The following DVL3 variants were observed in gnomAD, a reference collection of about 807,000 sequenced individuals.
DVL3 encodes dishevelled segment polarity protein 3, also known as segment polarity protein dishevelled homolog DVL-3.
Under a neutral mutation model 67.4 loss-of-function variants are expected in DVL3, and 27 were observed. The observed-to-expected ratio is 0.40, with a 90% CI of 0.30 to 0.55. DVL3 has a LOEUF of 0.55. DVL3 is among the 20% of genes least tolerant of loss of function. The probability of loss-of-function intolerance (pLI) is 0.46; values close to 1 mark genes in which losing one functional copy is unlikely to be tolerated. For missense variants in DVL3, 819 were observed against 1,021.5 expected, an observed-to-expected ratio of 0.80 and a Z score of 2.70; for synonymous variants, 369 against 396.8, an observed-to-expected ratio of 0.93 and a Z score of 0.83.
At chr3:184,169,457 G>A (rs886416911) in intron 13 of DVL3, among the ~76,000 whole-genome samples, 1 of 152,222 alleles carries the variant, frequency 6.6e-6, no homozygotes, top group South Asian at 2.1e-4. Context: ...CCTTTTGGGA[G>A]GCTGAGGCGG....
At position 184,155,746 on chromosome 3, in the gene DVL3, G is replaced by A; in HGVS notation, c.111G>A (p.Leu37=). Residue 37 remains leucine, a synonymous_variant, in exon 1 of 15, where the codon TTG becomes TTA. Coordinates refer to ENST00000313143, the MANE Select transcript of DVL3 (RefSeq NM_004423.4). This position sits in a 1 kb window ranked among gnomAD's most constrained non-coding sequence, Gnocchi z 5.4. ...CCTTGGCGGACTTTAAGGGCGTTTT[G>A]CAGCGACCCAGCTATAAGTTCTTCT... ...RVTLADFKGV[L]QRPSYKFFFK... is the part of the protein sequence containing the mutation. 1 of 1,613,134 alleles carries A rather than the reference G, an allele frequency of 6.2e-7. No homozygotes were observed. Among genetic ancestry groups the A allele is most frequent in the Non-Finnish European group, 8.5e-7 (1 of 1,179,726 alleles).
chr3:184,171,277 C>A lies in DVL3; in HGVS notation c.*522C>A. On this transcript the variant is annotated 3_prime_UTR_variant, in exon 15 of 15. Coordinates refer to ENST00000313143, the MANE Select transcript of DVL3 (RefSeq NM_004423.4). ...CTTCATCTGCCCCTACTAACCATCC[C>A]CCTGCCTGCTGCCTCAGTCCTGCAA... 9.6e-7 allele frequency: 1 copy of A among 1,039,766 alleles called. No individual in the cohort carries two copies. The highest frequency in any genetic ancestry group is 3.1e-5 in the South Asian group (1 of 31,812). 64.4% of individuals were successfully genotyped at this position (1,039,766 alleles called of 1,614,324 possible).
Position 184,164,260 on chromosome 3 carries a change from C to A in DVL3, c.232-7C>A. 1.2e-6 allele frequency: 2 copies of A among 1,613,400 alleles called. No individual in the cohort carries two copies. Among genetic ancestry groups the A allele is most frequent in the East Asian group, 4.5e-5 (2 of 44,862 alleles). ...AACATACTACTCACTCAGTTTCTCC[C>A]TTTCAGCTGGTGTCAGCTGAGGGCT... On this transcript the variant is annotated splice_region_variant and splice_polypyrimidine_tract_variant and intron_variant, in intron 2 of 14. Coordinates refer to ENST00000313143, the MANE Select transcript of DVL3 (RefSeq NM_004423.4). The surrounding 1 kb of genome is among the most constrained non-coding windows in gnomAD (Gnocchi z 5.3).
chr3:184,156,802 G>C, intron 1 of DVL3: 1 of 283,988 alleles, frequency 3.5e-6, no homozygotes, highest in Non-Finnish European at 7.0e-6. Flanking sequence ...CTAACTGGGC[G>C]CTGGGCCTGG....
At position 184,155,817 on chromosome 3, in the gene DVL3, G is replaced by T. The variant is rs1323936026; in HGVS notation, c.161+21G>T. 6.3e-7 allele frequency: 1 copy of T among 1,587,028 alleles called. No individual in the cohort carries two copies. The stretch of plus-strand genomic sequence containing the variant: ...TTCGGGTGAGGATGGCCCCCGCCCC[G>T]CCTCCGGGAGCCCCGGCCGCTCTGG... On this transcript the variant is annotated intron_variant, in intron 1 of 14. Coordinates refer to ENST00000313143, the MANE Select transcript of DVL3 (RefSeq NM_004423.4). This position sits in a 1 kb window ranked among gnomAD's most constrained non-coding sequence, Gnocchi z 5.4.
Position 184,164,908 on chromosome 3 carries a change from A to G in DVL3, c.576A>G (p.Ser192=). 6.2e-7 allele frequency: 1 copy of G among 1,614,240 alleles called. No homozygotes were observed. The highest frequency in any genetic ancestry group is 2.2e-5 in the East Asian group (1 of 44,874). Reference sequence around the variant, plus strand: ...TGGAGACCACCAGCTTCTTTGACTCAGATGAGGATGACTCCACCAGCAGGT... The same window carrying G: ...TGGAGACCACCAGCTTCTTTGACTCGGATGAGGATGACTCCACCAGCAGGT... ...SELETTSFFD[S]DEDDSTSRFS... is the part of the protein sequence containing the mutation. Residue 192 remains serine (S), a synonymous_variant, in exon 5 of 15, where the codon TCA becomes TCG. Coordinates refer to ENST00000313143, the MANE Select transcript of DVL3 (RefSeq NM_004423.4). This position sits in a 1 kb window ranked among gnomAD's most constrained non-coding sequence, Gnocchi z 5.3.
In DVL3 at chr3:184,172,223, TC is replaced by T. The variant is rs1447493848; in HGVS notation, c.*1470del. The T allele has an allele frequency of 8.6e-5, 13 of 151,852 alleles. No homozygotes were observed. The highest frequency in any genetic ancestry group is 1.5e-4 in the Non-Finnish European group (10 of 68,104). The allele number at this position is 151,852 out of a possible 1,614,324, so 9.4% of individuals were successfully genotyped here. On this transcript the variant is annotated 3_prime_UTR_variant, in exon 15 of 15. Coordinates refer to ENST00000313143, the MANE Select transcript of DVL3 (RefSeq NM_004423.4). ...CCAGTTGAGGTTGGGCAAGGAGACT[TC>T]CAGGACTTCCAGACAGAGTACCAGG...
intron 13 of DVL3, 37 bp from the exon 14 acceptor site, chr3:184,169,969 G>C: frequency 1.9e-6 from 3 of 1,545,668 alleles, no homozygotes; most frequent in Non-Finnish European, 2.6e-6. Context: ...ACCTCTCTCC[G>C]GAAAGACCTA....
At chr3:184,159,496 TG>T (rs1714306335) in intron 1 of DVL3, among the ~76,000 whole-genome samples, 1 of 103,908 alleles carries the variant, frequency 9.6e-6, no homozygotes, top group South Asian at 3.6e-4. Context: ...CACAAATAGC[TG>T]GGACTACTGG....
Position 184,166,486 on chromosome 3 carries a change from C to T in DVL3, c.944C>T (p.Ala315Val). The change falls in exon 9 of 15, where the codon GCA (alanine) becomes GTA (valine). Residue 315 changes from alanine to valine, a missense_variant. Ala to Val is a moderately conservative substitution (Grantham distance 64, BLOSUM62 0). Coordinates refer to ENST00000313143, the MANE Select transcript of DVL3 (RefSeq NM_004423.4). The surrounding 1 kb of genome is among the most constrained non-coding windows in gnomAD (Gnocchi z 6.7). Reference sequence around the variant, plus strand: ...TTTGAGAACATGAGTAATGACGATGCAGTCCGGGTACTGCGGGAGATTGTG... The same window carrying T: ...TTTGAGAACATGAGTAATGACGATGTAGTCCGGGTACTGCGGGAGATTGTG... ...INFENMSNDD[A>V]VRVLREIVHK... 3 of 1,614,178 alleles carry T rather than the reference C, an allele frequency of 1.9e-6. No homozygotes were observed. Among genetic ancestry groups the T allele is most frequent in the Non-Finnish European group, 2.5e-6 (3 of 1,180,048 alleles).
In DVL3 at chr3:184,166,054, C is replaced by A. The variant is rs1714571578; in HGVS notation, c.764-72C>A. ...ATGTCAGTTCAGTTCCTGTCCCTTT[C>A]CATTTTCTAATGGGCTGGGAATGCG... On this transcript the variant is annotated intron_variant, in intron 7 of 14. Transcript: ENST00000313143. The surrounding 1 kb of genome is among the most constrained non-coding windows in gnomAD (Gnocchi z 6.7). 1 of 1,567,852 alleles carries A rather than the reference C, an allele frequency of 6.4e-7. No individual in the cohort carries two copies. The highest frequency in any genetic ancestry group is 8.7e-7 in the Non-Finnish European group (1 of 1,155,902).
rs1198576366 is a variant in DVL3 at position 184,155,581 on chromosome 3, C to T, written c.-55C>T. ...GCGCGCCGCCGCCGTCTGGGAGGCT[C>T]GGCCCGGCCGCCCGAGCAGGCCGCG... On this transcript the variant is annotated 5_prime_UTR_variant, in exon 1 of 15. Coordinates refer to ENST00000313143, the MANE Select transcript of DVL3 (RefSeq NM_004423.4). This position sits in a 1 kb window ranked among gnomAD's most constrained non-coding sequence, Gnocchi z 5.4. The T allele has an allele frequency of 9.6e-7, 1 of 1,045,670 alleles. No individual in the cohort carries two copies. Among genetic ancestry groups the T allele is most frequent in the Non-Finnish European group, 1.2e-6 (1 of 868,874 alleles). 64.8% of individuals were successfully genotyped at this position (1,045,670 alleles called of 1,614,324 possible).
At position 184,165,619 on chromosome 3, in the gene DVL3, C is replaced by G. The variant is rs991228327; in HGVS notation, c.763+128C>G. ...TCTCTTTCGTAAACATCAGCTGATA[C>G]ATAAACTGATCATTTTAGTATCTCA... On this transcript the variant is annotated intron_variant, in intron 7 of 14. Coordinates refer to ENST00000313143, the MANE Select transcript of DVL3 (RefSeq NM_004423.4). This position sits in a 1 kb window ranked among gnomAD's most constrained non-coding sequence, Gnocchi z 4.1. 1 of 753,154 alleles carries G rather than the reference C, an allele frequency of 1.3e-6. No individual in the cohort carries two copies. Among genetic ancestry groups the G allele is most frequent in the Non-Finnish European group, 2.3e-6 (1 of 441,002 alleles). 46.7% of individuals were successfully genotyped at this position (753,154 alleles called of 1,614,324 possible).
rs981475698 is a variant in DVL3, at chr3:184,156,498, T to G, written c.161+702T>G. ...CTTTTTTCCTCCAGTTGGTGGCCAGTGGAGAGACGTTAGGAAGGGCCTGGG... is the reference window on the plus strand; with the variant it reads ...CTTTTTTCCTCCAGTTGGTGGCCAGGGGAGAGACGTTAGGAAGGGCCTGGG... On this transcript the variant is annotated intron_variant, in intron 1 of 14. Coordinates refer to ENST00000313143, the MANE Select transcript of DVL3 (RefSeq NM_004423.4). 26 of 456,504 alleles carry G rather than the reference T, an allele frequency of 5.7e-5. 1 individual carries two copies. The allele number at this position is 456,504 out of a possible 1,614,324, so 28.3% of individuals were successfully genotyped here.
Position 184,170,484 on chromosome 3 carries a change from C to T in DVL3, c.1880C>T (p.Pro627Leu), listed in dbSNP as rs940208632. ...CGGGCGCCCAGCGAGCGCTCAGGGC[C>T]GGCGGCCAGCGAGCACAGCCACCGC... ...RERAPSERSG[P>L]AASEHSHRSH... Residue 627 changes from proline (P) to leucine (L), a missense_variant, in exon 15 of 15, where the codon CCG becomes CTG. Physicochemically the swap from Pro to Leu is moderately conservative, Grantham distance 98. Coordinates refer to ENST00000313143, the MANE Select transcript of DVL3 (RefSeq NM_004423.4). The surrounding 1 kb of genome is among the most constrained non-coding windows in gnomAD (Gnocchi z 6.5). 1 of 1,593,394 alleles carries T rather than the reference C, an allele frequency of 6.3e-7. No individual in the cohort carries two copies. The highest frequency in any genetic ancestry group is 1.1e-5 in the South Asian group (1 of 89,012).
chr3:184,166,336 C>T lies in DVL3; in HGVS notation c.903+71C>T. ...GGTGTCCTACCATCTGTACCCTGCT[C>T]CTTCAGAGGCCCCTTCTTGGTTGGG... On this transcript the variant is annotated intron_variant, in intron 8 of 14. Transcript: ENST00000313143. The surrounding 1 kb of genome is among the most constrained non-coding windows in gnomAD (Gnocchi z 6.7). The T allele has an allele frequency of 6.2e-7, 1 of 1,606,514 alleles. No homozygotes were observed. Among genetic ancestry groups the T allele is most frequent in the South Asian group, 1.1e-5 (1 of 90,286 alleles).
chr3:184,164,284 C>T lies in DVL3; in HGVS notation c.249C>T (p.Gly83=). ...CCTTTCAGCTGGTGTCAGCTGAGGG[C>T]TCACACCCAGACCCAGCCCCCTTCT... The part of the protein sequence containing the change: ...RVVSWLVSAE[G]SHPDPAPFCA... The change falls in exon 3 of 15, where the codon GGC becomes GGT. Residue 83 remains glycine, a synonymous_variant. Coordinates refer to ENST00000313143, the MANE Select transcript of DVL3 (RefSeq NM_004423.4). The surrounding 1 kb of genome is among the most constrained non-coding windows in gnomAD (Gnocchi z 5.3). The T allele has an allele frequency of 6.2e-7, 1 of 1,614,118 alleles. No homozygotes were observed. Among genetic ancestry groups the T allele is most frequent in the Non-Finnish European group, 8.5e-7 (1 of 1,179,986 alleles).
chr3:184,167,629 A>G lies in DVL3; in HGVS notation c.1248A>G (p.Val416=), dbSNP rs768769463. The G allele has an allele frequency of 6.2e-7, 1 of 1,614,174 alleles. No homozygotes were observed. Among genetic ancestry groups the G allele is most frequent in the South Asian group, 1.1e-5 (1 of 91,082 alleles). ...TCCACAGTGACATGGCTGCCATCGT[A>G]AAAGCCATGGCCTCCCCTGAATCAG... ...LSIHSDMAAI[V]KAMASPESGL... The change falls in exon 12 of 15, where the codon GTA becomes GTG. Residue 416 remains valine, a synonymous_variant. Transcript: ENST00000313143. This position sits in a 1 kb window ranked among gnomAD's most constrained non-coding sequence, Gnocchi z 4.6.
Position 184,163,581 on chromosome 3 carries a change from C to G in DVL3, c.162-76C>G. On this transcript the variant is annotated intron_variant, in intron 1 of 14. Transcript: ENST00000313143. This position sits in a 1 kb window ranked among gnomAD's most constrained non-coding sequence, Gnocchi z 4.5. ...TGATTCCCAGTTTAGGATGGAGGAG[C>G]CCCTGAGAGTTGGGATTTGAGGATC... 8.0e-7 allele frequency: 1 copy of G among 1,251,934 alleles called. No individual in the cohort carries two copies. Among genetic ancestry groups the G allele is most frequent in the Admixed American group, 1.7e-5 (1 of 59,554 alleles). 77.6% of individuals were successfully genotyped at this position (1,251,934 alleles called of 1,614,324 possible).
Sources: gnomAD v4.1 joint callset for allele counts (sites outside exome capture counted in the v4.1 genomes callset) on GRCh38, gnomAD v4.1.1 for gene constraint, Gnocchi (gnomAD v3.1) non-coding constraint, MANE v1.5 for transcripts, NCBI Gene and HGNC (gene_info 2026-07-23, HGNC 2026-07-21) for gene names.